The following PNP variants were observed in gnomAD, a reference collection of about 807,000 sequenced individuals.
The protein encoded by PNP is purine nucleoside phosphorylase, also known as HEL-S-156an.
PNP carries 18 observed loss-of-function variants against 26.8 expected under a neutral mutation model. That is an observed-to-expected ratio of 0.67 (90% CI 0.46 to 1.00). PNP has a LOEUF of 1.00. PNP is among the 50% of genes least tolerant of loss of function. The pLI is 0.00. For synonymous variants in PNP, 116 were observed against 124.8 expected, an observed-to-expected ratio of 0.93 and a Z score of 0.47; for missense variants, 320 against 362.9, an observed-to-expected ratio of 0.88 and a Z score of 0.96.
Position 20,472,244 on chromosome 14 carries a change from G to T in PNP, c.12-64G>T, listed in dbSNP as rs113081697. On this transcript the variant is annotated intron_variant, in intron 1 of 5. Transcript: ENST00000361505. Reference sequence around the variant, plus strand: ...ACCTGCCAGCCTTTTTGCACCGAAGGTCATTTGTCTGTGATGCCCTTGGAA... The same window carrying T: ...ACCTGCCAGCCTTTTTGCACCGAAGTTCATTTGTCTGTGATGCCCTTGGAA... 500 of 1,447,326 alleles carry T rather than the reference G, an allele frequency of 3.5e-4. 1 individual carries two copies. In the African/African-American group the frequency reaches 5.7e-3, roughly 17 times the overall value. 89.7% of individuals were successfully genotyped at this position (1,447,326 alleles called of 1,614,324 possible). A position where few individuals can be genotyped will look rare whatever the true frequency, so the allele number is the denominator to read the frequency against.
intron 2 of PNP, chr14:20,474,076 A>T (rs779545770): frequency 7.1e-6 from 2 of 282,526 alleles, no homozygotes; most frequent in Non-Finnish European, 1.4e-5. Flanking sequence ...GTAGGTCCAT[A>T]TGTACACATT....
rs1291231523 is a variant in PNP, at chr14:20,474,587, G to T, written c.285+12G>T. ...ACCCACTCTGGAAGGTAAGTCAGAG[G>T]GATAGGTCCGGTTGGATCTGGAAGA... On this transcript the variant is annotated intron_variant, in intron 3 of 5. Coordinates refer to ENST00000361505, the MANE Select transcript of PNP (RefSeq NM_000270.4). 5 of 1,605,234 alleles carry T rather than the reference G, an allele frequency of 3.1e-6. No individual in the cohort carries two copies. The highest frequency in any genetic ancestry group is 8.5e-7 in the Non-Finnish European group (1 of 1,172,116).
intron 2 of PNP, 76 bp downstream of exon 2, chr14:20,472,553 A>G (rs780013434): frequency 8.3e-6 from 11 of 1,331,006 alleles, no homozygotes; most frequent in Admixed American, 3.6e-5. Flanking sequence ...AAGGAGGCCA[A>G]TGTTTCTACT....
chr14:20,474,736 A>G, intron 3 of PNP, 37 bp from the exon 4 acceptor site: 1 of 1,608,878 alleles, frequency 6.2e-7, no homozygotes, highest in Non-Finnish European at 8.5e-7. Context: ...GAATTAATGA[A>G]ATTTTGTAAA....
At chr14:20,472,630 G>C in intron 2 of PNP, 153 bp downstream of exon 2, 1 of 761,046 alleles carries the variant, frequency 1.3e-6, no homozygotes, top group Non-Finnish European at 2.3e-6. Context: ...ATGAGTCAGA[G>C]TGACTTTAGG....
At chr14:20,475,934 T>C (rs1050932911) in intron 5 of PNP, among the ~76,000 whole-genome samples, 1 of 152,126 alleles carries the variant, frequency 6.6e-6, no homozygotes, top group Non-Finnish European at 1.5e-5. Context: ...TTTTAAGAAA[T>C]GTGTATTTAT....
At chr14:20,472,218 T>A in intron 1 of PNP, 90 bp from the exon 2 acceptor site, 4 of 1,099,938 alleles carry the variant, frequency 3.6e-6, no homozygotes, top group Non-Finnish European at 5.6e-6. Context: ...TGCCTCAGTA[T>A]ACCTGCCAGC....
chr14:20,469,758 G>A (rs1419190589), intron 1 of PNP: 16 of 648,138 alleles, frequency 2.5e-5, no homozygotes, highest in Non-Finnish European at 4.1e-5. Context: ...TGGCGCCACC[G>A]GAGCAGGAAG....
Position 20,469,492 on chromosome 14 carries a change from G to C in PNP, c.-33G>C. 1.9e-6 allele frequency: 3 copies of C among 1,550,530 alleles called. No homozygotes were observed. Among genetic ancestry groups the C allele is most frequent in the Non-Finnish European group, 2.6e-6 (3 of 1,147,242 alleles). On this transcript the variant is annotated 5_prime_UTR_variant, in exon 1 of 6. Transcript: ENST00000361505. ...GATCGGAGCGGATCGGAGCACACCG[G>C]AGCAGGCTCATCGAGAAGGCGTCTG...
Position 20,476,602 on chromosome 14 carries a change from C to A in PNP, c.*1C>A, listed in dbSNP as rs778150398. On this transcript the variant is annotated 3_prime_UTR_variant, in exon 6 of 6. Transcript: ENST00000361505. Reference sequence around the variant, plus strand: ...TCCACTCCCTGACAAAGCCAGTTGACCTGCCTTGGAGTCGTCTGGCATCTC... The same window carrying A: ...TCCACTCCCTGACAAAGCCAGTTGAACTGCCTTGGAGTCGTCTGGCATCTC... 6.2e-7 allele frequency: 1 copy of A among 1,613,868 alleles called. No homozygotes were observed. The highest frequency in any genetic ancestry group is 8.5e-7 in the Non-Finnish European group (1 of 1,179,754).
At chr14:20,469,942 T>TA (rs978242425) in intron 1 of PNP, among the ~76,000 whole-genome samples, 2 of 152,212 alleles carry the variant, frequency 1.3e-5, no homozygotes, top group African/African-American at 4.8e-5. Flanking sequence ...AGGGTCTGGG[T>TA]AAAGCTGCGA....
At chr14:20,474,376 T>A in intron 2 of PNP, 96 bp from the exon 3 acceptor site, 1 of 1,037,154 alleles carries the variant, frequency 9.6e-7, no homozygotes, top group Non-Finnish European at 1.5e-6. Flanking sequence ...CAACCTAACA[T>A]TTTGAGCAGA....
intron 2 of PNP, chr14:20,473,953 A>G (rs965373807): frequency 1.2e-5 from 2 of 171,412 alleles, no homozygotes; most frequent in African/African-American, 2.4e-5. Context: ...TCTGTGCTTT[A>G]GTGTAACCAT....
At chr14:20,471,197 A>ATTTTTTTTTTTTTTTTT (rs397960222) in intron 1 of PNP, among the ~76,000 whole-genome samples, 7 of 90,650 alleles carry the variant, frequency 7.7e-5, no homozygotes, top group East Asian at 3.3e-4. Context: ...CGCCCGGCTA[A>ATTTTTTTTTTTTTTTTT]TTTTTTTTTT....
At chr14:20,471,039 A>AT (rs1881974747) in intron 1 of PNP, among the ~76,000 whole-genome samples, 1 of 151,228 alleles carries the variant, frequency 6.6e-6, no homozygotes, top group Admixed American at 6.6e-5. Flanking sequence ...ATTTTTATTT[A>AT]TTTATTTTGG....
At position 20,469,590 on chromosome 14, in the gene PNP, C is replaced by G. The variant is rs1594424877; in HGVS notation, c.11+55C>G. 5.8e-6 allele frequency: 9 copies of G among 1,551,504 alleles called. No individual in the cohort carries two copies. In the South Asian group the frequency reaches 9.5e-5, roughly 16 times the overall value. On this transcript the variant is annotated intron_variant, in intron 1 of 5. Transcript: ENST00000361505. ...TTGGGGAGGGGCAGGTGCTGTGACC[C>G]GGGAACCTGGCACACTGGGCCCAGA...
chr14:20,470,181 T>C (rs1881958762), intron 1 of PNP, among the ~76,000 whole-genome samples: 1 of 152,176 alleles, frequency 6.6e-6, no homozygotes, highest in Admixed American at 6.5e-5. Context: ...GTCCTGGATA[T>C]CCCAGTCCAA....
At chr14:20,476,292 AT>A in intron 5 of PNP, 91 bp from the exon 6 acceptor site, 2 of 1,083,364 alleles carry the variant, frequency 1.8e-6, no homozygotes, top group Non-Finnish European at 2.9e-6. Flanking sequence ...GTTTTTTGAG[AT>A]TTTTAATTCT....
intron 2 of PNP, chr14:20,473,954 G>T (rs1207509165): frequency 5.8e-6 from 1 of 173,418 alleles, no homozygotes; most frequent in African/African-American, 2.4e-5. Flanking sequence ...CTGTGCTTTA[G>T]TGTAACCATC....
Sources: allele counts gnomAD v4.1 joint callset (sites outside exome capture counted in the v4.1 genomes callset), GRCh38; gene constraint gnomAD v4.1.1; transcripts MANE v1.5; gene names NCBI Gene and HGNC (gene_info 2026-07-23, HGNC 2026-07-21).